Variants in PHOX2A observed in about 807,000 individuals in gnomAD.
PHOX2A encodes paired like homeobox 2A.
Under a neutral mutation model 16.4 loss-of-function variants are expected in PHOX2A, and 10 were observed. That is an observed-to-expected ratio of 0.61 (90% CI 0.38 to 1.04). The LOEUF (loss-of-function observed/expected upper bound fraction) is 1.04. PHOX2A is among the 50% of genes least tolerant of loss of function. The pLI is 0.01. For missense variants in PHOX2A, 361 were observed against 419.4 expected (o/e 0.86, Z 1.22); for synonymous variants, 219 against 203.8 (o/e 1.07, Z -0.64).
Position 72,239,996 on chromosome 11 carries a change from G to A in PHOX2A, c.608C>T (p.Pro203Leu), listed in dbSNP as rs1949101184. The A allele has an allele frequency of 5.8e-6, 8 of 1,387,250 alleles. No individual in the cohort carries two copies. The highest frequency in any genetic ancestry group is 1.5e-5 in the African/African-American group (1 of 65,546). 85.9% of individuals were successfully genotyped at this position (1,387,250 alleles called of 1,614,324 possible). A position where few individuals can be genotyped will look rare whatever the true frequency, so the allele number is the denominator to read the frequency against. Residue 203 changes from proline to leucine, a missense_variant, in exon 3 of 3, where the codon CCG (proline) becomes CTG (leucine). Transcript: ENST00000298231. ...GGGCAGCGGGCTGGGGCTCAGGCGC[G>A]GGCTGGCCAGGCCGGGCGCAGGCGG... Reference protein sequence around the residue: ...PPPPAPGLASPRLSPSPLPVA... With the variant: ...PPPPAPGLASLRLSPSPLPVA...
intron 2 of PHOX2A, among the ~76,000 whole-genome samples, chr11:72,240,899 G>A (rs961172879): frequency 6.6e-6 from 1 of 152,180 alleles, no homozygotes; most frequent in African/African-American, 2.4e-5. Flanking sequence ...CAGAGCGGAG[G>A]TAGCCTGGAG....
At chr11:72,241,310 G>C in intron 1 of PHOX2A, 21 bp from the exon 2 acceptor site, 12 of 1,191,842 alleles carry the variant, frequency 1.0e-5, no homozygotes, top group South Asian at 3.0e-5. Context: ...GTGCAGGGGG[G>C]CCGGGGGGGG....
intron 1 of PHOX2A, among the ~76,000 whole-genome samples, chr11:72,242,325 C>T (rs931576664): frequency 1.3e-5 from 2 of 152,250 alleles, no homozygotes; most frequent in Middle Eastern, 3.4e-3. Context: ...TCCAGCACCC[C>T]ATTTGTATTC....
chr11:72,241,323 C>CAGGGGGGGCGGGGGGGGGGGA, intron 1 of PHOX2A, 34 bp from the exon 2 acceptor site: 1 of 937,962 alleles, frequency 1.1e-6, no homozygotes. Flanking sequence ...GGGGGGGGGG[C>CAGGGGGGGCGGGGGGGGGGGA]AAAAAGGATG....
Position 72,239,553 on chromosome 11 carries a change from G to T in PHOX2A, c.*196C>A. On this transcript the variant is annotated 3_prime_UTR_variant, in exon 3 of 3. Transcript: ENST00000298231. ...CCGGTATAAAGAACTCCGCTCTGCT[G>T]GTAGAGGGTGGGTGAGGACGAGAGT... The T allele has an allele frequency of 2.4e-6, 1 of 411,334 alleles. No individual in the cohort carries two copies. Among genetic ancestry groups the T allele is most frequent in the Non-Finnish European group, 4.3e-6 (1 of 235,060 alleles). The allele number at this position is 411,334 out of a possible 1,614,324, so 25.5% of individuals were successfully genotyped here. A position where few individuals can be genotyped will look rare whatever the true frequency, so the allele number is the denominator to read the frequency against.
chr11:72,242,378 C>T (rs989583508), intron 1 of PHOX2A, among the ~76,000 whole-genome samples: 9 of 152,264 alleles, frequency 5.9e-5, no homozygotes, highest in South Asian at 2.1e-4. Context: ...TGGTCCCCAT[C>T]GCCTGATACT....
At chr11:72,241,317 G>C (rs758404989) in intron 1 of PHOX2A, 28 bp from the exon 2 acceptor site, 47 of 1,234,048 alleles carry the variant, frequency 3.8e-5, no homozygotes, top group African/African-American at 1.2e-4. Flanking sequence ...GGGGCCGGGG[G>C]GGGGGCAAAA....
At position 72,239,881 on chromosome 11, in the gene PHOX2A, GCCGCCCCCACCGC is replaced by G. The variant is rs1447361710; in HGVS notation, c.710_722del (p.Gly237AlafsTer39). 1 of 1,362,356 alleles carries G rather than the reference GCCGCCCCCACCGC, an allele frequency of 7.3e-7. No individual in the cohort carries two copies. The highest frequency in any genetic ancestry group is 1.5e-5 in the African/African-American group (1 of 66,644). 84.4% of individuals were successfully genotyped at this position (1,362,356 alleles called of 1,614,324 possible). A position where few individuals can be genotyped will look rare whatever the true frequency, so the allele number is the denominator to read the frequency against. On this transcript the variant is annotated frameshift_variant, in exon 3 of 3. Transcript: ENST00000298231. LOFTEE classifies it high-confidence loss of function. ...GTTCGGCCGCTCCCGCGCCAGGCCC[GCCGCCCCCACCGC>G]CCGCCACACCGGCCCACAGTGCGCC...
At chr11:72,242,293 T>C (rs1242946899) in intron 1 of PHOX2A, among the ~76,000 whole-genome samples, 1 of 152,124 alleles carries the variant, frequency 6.6e-6, no homozygotes, top group Non-Finnish European at 1.5e-5. Context: ...CATCCAGGCC[T>C]CCATCTCCCC....
Position 72,240,136 on chromosome 11 carries a change from G to A in PHOX2A, c.468C>T (p.Gly156=). The A allele has an allele frequency of 6.5e-7, 1 of 1,533,666 alleles. No individual in the cohort carries two copies. The highest frequency in any genetic ancestry group is 8.7e-7 in the Non-Finnish European group (1 of 1,144,780). Residue 156 remains glycine (G), a synonymous_variant, in exon 3 of 3, where the codon GGC becomes GGT. Transcript: ENST00000298231. ...TTTTGGCGCCCGCCGCGCCCGCCGC[G>A]CCCTTGGCGCTGGCCGCGCGCTCCT... ...RKQERAASAK[G]AAGAAGAKKG...
In PHOX2A at chr11:72,240,124, C is replaced by T. The variant is rs923411634; in HGVS notation, c.480G>A (p.Ala160=). The change falls in exon 3 of 3, where the codon GCG becomes GCA. Residue 160 remains alanine (A), a synonymous_variant. Coordinates refer to ENST00000298231, the MANE Select transcript of PHOX2A (RefSeq NM_005169.4). ...GCGCCTCGCCCTTTTTGGCGCCCGC[C>T]GCGCCCGCCGCGCCCTTGGCGCTGG... is the stretch of plus-strand genomic sequence containing the variant. ...RAASAKGAAG[A]AGAKKGEARC... 3 of 1,524,432 alleles carry T rather than the reference C, an allele frequency of 2.0e-6. No homozygotes were observed. The highest frequency in any genetic ancestry group is 2.6e-6 in the Non-Finnish European group (3 of 1,143,454). 94.4% of individuals were successfully genotyped at this position (1,524,432 alleles called of 1,614,324 possible). A position where few individuals can be genotyped will look rare whatever the true frequency, so the allele number is the denominator to read the frequency against.
rs546127396 is a variant in PHOX2A at position 72,239,633 on chromosome 11, G to A, written c.*116C>T. 1.7e-5 allele frequency: 13 copies of A among 750,408 alleles called. No individual in the cohort carries two copies. In the Admixed American group the frequency reaches 2.1e-4, roughly 12 times the overall value. 46.5% of individuals were successfully genotyped at this position (750,408 alleles called of 1,614,324 possible). ...GGACACACCGAGGGGTGAGACAGTA[G>A]GGAGTGGAGACGGATGGGGACTTCC... On this transcript the variant is annotated 3_prime_UTR_variant, in exon 3 of 3. Coordinates refer to ENST00000298231, the MANE Select transcript of PHOX2A (RefSeq NM_005169.4).
Position 72,239,820 on chromosome 11 carries a change from CG to C in PHOX2A, c.783del (p.Phe264SerfsTer16). ...GAGGACAGAACCCCGGAGAAGGGCC[CG>C]GGGCCGGACTCCGCCGGCTGCCAAG... Reference protein sequence around the residue: ...LKAWQPAESGPGPFSGVLSSF... With the variant: ...LKAWQPAESGXGPFSGVLSSF... On this transcript the variant is annotated frameshift_variant, in exon 3 of 3. Transcript: ENST00000298231. LOFTEE classifies it high-confidence loss of function. 2.2e-6 allele frequency: 3 copies of C among 1,363,200 alleles called. No homozygotes were observed. The highest frequency in any genetic ancestry group is 2.9e-6 in the Non-Finnish European group (3 of 1,048,622). The allele number at this position is 1,363,200 out of a possible 1,614,324, so 84.4% of individuals were successfully genotyped here.
chr11:72,243,409 G>A (rs1293289513), intron 1 of PHOX2A, among the ~76,000 whole-genome samples: 1 of 152,138 alleles, frequency 6.6e-6, no homozygotes, highest in African/African-American at 2.4e-5. Flanking sequence ...CGGTGATGGG[G>A]TGGGGTGATA....
chr11:72,241,311 C>CAG, intron 1 of PHOX2A, 22 bp from the exon 2 acceptor site: 1 of 771,906 alleles, frequency 1.3e-6, no homozygotes, highest in South Asian at 3.9e-5. Flanking sequence ...TGCAGGGGGG[C>CAG]CGGGGGGGGG....
chr11:72,239,273 T>A lies in PHOX2A; in HGVS notation c.*476A>T, dbSNP rs1949087840. ...GGGAAGAGAGGAGACACGTGAGGGA[T>A]GAATTGGCGGTGGTCATTAATTATC... On this transcript the variant is annotated 3_prime_UTR_variant, in exon 3 of 3. Transcript: ENST00000298231. The A allele has an allele frequency of 6.5e-6, 1 of 153,142 alleles. No homozygotes were observed. The highest frequency in any genetic ancestry group is 2.1e-4 in the South Asian group (1 of 4,812). The allele number at this position is 153,142 out of a possible 1,614,324, so 9.5% of individuals were successfully genotyped here.
chr11:72,241,175 T>C lies in PHOX2A; in HGVS notation c.332A>G (p.Glu111Gly), dbSNP rs545021626. The change falls in exon 2 of 3, where the codon GAG (glutamate) becomes GGG (glycine). Residue 111 changes from glutamate to glycine, a missense_variant. Glu to Gly is a moderately conservative substitution (Grantham distance 98, BLOSUM62 -2). This residue lies in a region of PHOX2A where 235 missense variants were observed against 263.8 expected (regional missense o/e 0.89). Coordinates refer to ENST00000298231, the MANE Select transcript of PHOX2A (RefSeq NM_005169.4). ...CGTGTAAATGTCGGGGTAGTGGGTC[T>C]CAGCGAAAACGCGCTCCAGCTCCTT... ...QLKELERVFAETHYPDIYTRE... is the reference protein window; with the variant it reads ...QLKELERVFAGTHYPDIYTRE... The C allele has an allele frequency of 6.2e-7, 1 of 1,614,044 alleles. No homozygotes were observed. The highest frequency in any genetic ancestry group is 1.7e-5 in the Admixed American group (1 of 60,030).
chr11:72,239,656 TC>T lies in PHOX2A; in HGVS notation c.*92del. 2.9e-6 allele frequency: 3 copies of T among 1,018,920 alleles called. No individual in the cohort carries two copies. Among genetic ancestry groups the T allele is most frequent in the Non-Finnish European group, 3.9e-6 (3 of 776,654 alleles). 63.1% of individuals were successfully genotyped at this position (1,018,920 alleles called of 1,614,324 possible). ...TAGGGAGTGGAGACGGATGGGGACT[TC>T]CAGGCGGGTGGCCAGGATGGGAGGG... On this transcript the variant is annotated 3_prime_UTR_variant, in exon 3 of 3. Coordinates refer to ENST00000298231, the MANE Select transcript of PHOX2A (RefSeq NM_005169.4).
At chr11:72,241,819 T>TC (rs1225344963) in intron 1 of PHOX2A, among the ~76,000 whole-genome samples, 16 of 151,092 alleles carry the variant, frequency 1.1e-4, no homozygotes, top group Non-Finnish European at 2.2e-4. Flanking sequence ...CCACCAGCCT[T>TC]CCCACCGGCT....
Sources: allele counts gnomAD v4.1 joint callset (sites outside exome capture counted in the v4.1 genomes callset), GRCh38; gene constraint gnomAD v4.1.1; regional missense constraint gnomAD v4.1.1; transcripts MANE v1.5; gene names NCBI Gene and HGNC (gene_info 2026-07-23, HGNC 2026-07-21).